Variants in PLCE1 observed in about 807,000 individuals in gnomAD.
The protein encoded by PLCE1 is 1-phosphatidylinositol 4,5-bisphosphate phosphodiesterase epsilon-1.
PLCE1 carries 119 observed loss-of-function variants against 242.8 expected under a neutral mutation model. That is an observed-to-expected ratio of 0.49 (90% CI 0.42 to 0.57). The LOEUF (loss-of-function observed/expected upper bound fraction) is 0.57. Ranked by LOEUF, PLCE1 falls within the 20% of genes least tolerant of loss-of-function variation. The pLI, the probability that PLCE1 is intolerant of heterozygous loss-of-function variation, is 0.00. For synonymous variants in PLCE1, 945 were observed against 1,017.4 expected, an observed-to-expected ratio of 0.93 and a Z score of 1.35; for missense variants, 2,441 against 2,788.8, an observed-to-expected ratio of 0.88 and a Z score of 2.81.
intron 28 of PLCE1, 149 bp from the exon 29 acceptor site, chr10:94,316,398 G>T: frequency 3.1e-6 from 2 of 635,028 alleles, no homozygotes; most frequent in East Asian, 2.9e-5. Flanking sequence ...GAACATAAGA[G>T]AATTCTTAGA....
chr10:94,332,684 TA>T lies in PLCE1; in HGVS notation c.*4744del. On this transcript the variant is annotated 3_prime_UTR_variant, in exon 33 of 33. Transcript: ENST00000371380. Reference sequence around the variant, plus strand: ...TTCTCCATATGTATAACAAGAAAATTAAAGGCATAATACAGCTGTGAAATAG... The same window carrying T: ...TTCTCCATATGTATAACAAGAAAATTAAGGCATAATACAGCTGTGAAATAG... 6.6e-6 allele frequency: 1 copy of T among 152,318 alleles called. No homozygotes were observed. Among genetic ancestry groups the T allele is most frequent in the Middle Eastern group, 3.4e-3 (1 of 294 alleles). 9.4% of individuals were successfully genotyped at this position (152,318 alleles called of 1,614,324 possible). A position where few individuals can be genotyped will look rare whatever the true frequency, so the allele number is the denominator to read the frequency against.
chr10:94,237,375 ATCCTT>A (rs2050360250), intron 7 of PLCE1, among the ~76,000 whole-genome samples: 1 of 152,072 alleles, frequency 6.6e-6, no homozygotes. Flanking sequence ...CCCCTAGACT[ATCCTT>A]TCCTTTCCCT....
At chr10:94,114,627 C>A (rs967762661) in intron 2 of PLCE1, among the ~76,000 whole-genome samples, 1 of 152,180 alleles carries the variant, frequency 6.6e-6, no homozygotes, top group African/African-American at 2.4e-5. Context: ...CTATTATAAT[C>A]TCCACATTAC....
chr10:94,198,279 A>T (rs2048887385), intron 4 of PLCE1, among the ~76,000 whole-genome samples: 1 of 152,176 alleles, frequency 6.6e-6, no homozygotes, highest in Admixed American at 6.5e-5. Context: ...TTTTTCCTGA[A>T]TATGTGTTCA....
chr10:94,087,060 T>C (rs1440907112), intron 2 of PLCE1, among the ~76,000 whole-genome samples: 2 of 152,114 alleles, frequency 1.3e-5, no homozygotes, highest in African/African-American at 4.8e-5. Context: ...TTTAAAATCA[T>C]TTGCTGGCCA....
intron 20 of PLCE1, chr10:94,283,266 A>T (rs2052313142): frequency 6.5e-6 from 1 of 152,992 alleles, no homozygotes; most frequent in African/African-American, 2.4e-5. Flanking sequence ...TTTAATTATA[A>T]TTGTGAAGAC....
rs143888071 is a variant in PLCE1, at chr10:94,002,270, A to G, written c.-365+8012A>G. ...ATCAGGCAACCTTGCATGCTCTCCC[A>G]TGACACTCTTGGATAGGCTTTTGAC... On this transcript the variant is annotated intron_variant, in intron 1 of 32. Transcript: ENST00000371380. Among the ~76,000 whole-genome samples, 822 of 152,306 alleles carry G rather than the reference A, an allele frequency of 5.4e-3. 3 individuals carry two copies. Among genetic ancestry groups the G allele is most frequent in the African/African-American group, 0.018 (767 of 41,568 alleles).
intron 19 of PLCE1, among the ~76,000 whole-genome samples, chr10:94,276,201 C>T (rs533014446): frequency 2.6e-5 from 4 of 152,290 alleles, no homozygotes; most frequent in East Asian, 3.9e-4. Flanking sequence ...TTATTGCCCC[C>T]GTCTGGTGCT....
chr10:94,072,966 C>G (rs2044402457), intron 2 of PLCE1, among the ~76,000 whole-genome samples: 1 of 152,050 alleles, frequency 6.6e-6, no homozygotes, highest in Non-Finnish European at 1.5e-5. Flanking sequence ...GCAGCTTGGG[C>G]CCCTCCTCTA....
chr10:94,055,690 C>A (rs576373826), intron 2 of PLCE1, among the ~76,000 whole-genome samples: 1 of 152,262 alleles, frequency 6.6e-6, no homozygotes, highest in African/African-American at 2.4e-5. Flanking sequence ...TAACCTTGGG[C>A]AGTGTACTTA....
chr10:94,070,634 G>A (rs988620898), intron 2 of PLCE1, among the ~76,000 whole-genome samples: 1 of 152,150 alleles, frequency 6.6e-6, no homozygotes, highest in Admixed American at 6.5e-5. Context: ...ATGGAGATAC[G>A]CTTTTTGAGC....
chr10:94,142,565 T>C (rs577074317), intron 3 of PLCE1, among the ~76,000 whole-genome samples: 8 of 152,340 alleles, frequency 5.3e-5, no homozygotes, highest in African/African-American at 1.4e-4. Flanking sequence ...CTTGGCATAG[T>C]ATCTGGTACC....
At chr10:94,309,605 C>T (rs2053319042) in intron 27 of PLCE1, among the ~76,000 whole-genome samples, 1 of 152,088 alleles carries the variant, frequency 6.6e-6, no homozygotes, top group African/African-American at 2.4e-5. Flanking sequence ...TCCCAAGGTG[C>T]TGGGATTACA....
intron 7 of PLCE1, among the ~76,000 whole-genome samples, chr10:94,241,308 C>T (rs2050496100): frequency 6.6e-6 from 1 of 152,182 alleles, no homozygotes; most frequent in Admixed American, 6.5e-5. Context: ...TTCACTGGAA[C>T]ATGCTTGACT....
In PLCE1 at chr10:94,030,706, A is replaced by T. The variant is rs937208478; in HGVS notation, c.-341A>T. On this transcript the variant is annotated 5_prime_UTR_variant, in exon 2 of 33. Coordinates refer to ENST00000371380, the MANE Select transcript of PLCE1 (RefSeq NM_016341.4). ...AGGAAACAGGAATCATTCAAACTGGATTTTAAAATCATTGCAAATCAGTGA... is the reference window on the plus strand; with the variant it reads ...AGGAAACAGGAATCATTCAAACTGGTTTTTAAAATCATTGCAAATCAGTGA... The T allele has an allele frequency of 1.0e-5, 3 of 289,876 alleles. No homozygotes were observed. The highest frequency in any genetic ancestry group is 2.2e-5 in the African/African-American group (1 of 45,208). 18.0% of individuals were successfully genotyped at this position (289,876 alleles called of 1,614,324 possible).
chr10:94,126,096 A>G (rs1038866144), intron 2 of PLCE1, among the ~76,000 whole-genome samples: 3 of 152,186 alleles, frequency 2.0e-5, no homozygotes, highest in African/African-American at 7.2e-5. Flanking sequence ...GTCACAAGGA[A>G]CTGCAAATGC....
At chr10:94,017,169 C>G (rs529898989) in intron 1 of PLCE1, among the ~76,000 whole-genome samples, 19 of 152,274 alleles carry the variant, frequency 1.2e-4, no homozygotes, top group Admixed American at 3.9e-4. Context: ...CAGAGCCACC[C>G]TGCTTGCTTC....
rs766687684 is a variant in PLCE1 at position 94,234,175 on chromosome 10, C to T, written c.2077C>T (p.Arg693Cys). The change falls in exon 6 of 33, where the codon CGT becomes TGT. Residue 693 changes from arginine to cysteine, a missense_variant. Around this residue, in one of 5 missense-constraint regions of PLCE1, gnomAD observed 733 missense variants for 754.2 expected, o/e 0.97. Coordinates refer to ENST00000371380, the MANE Select transcript of PLCE1 (RefSeq NM_016341.4). ...TTGTGAGTACAGAAAGGTGGTGACA[C>T]GTGCCCTGCACATCCCTGGCTGTAA... Reference protein sequence around the residue: ...SSCEYRKVVTRALHIPGCKVV... With the variant: ...SSCEYRKVVTCALHIPGCKVV... 9 of 1,614,026 alleles carry T rather than the reference C, an allele frequency of 5.6e-6. No homozygotes were observed. The African/African-American group carries it at 1.2e-4, about 22-fold the overall frequency.
In PLCE1 at chr10:94,110,058, C is replaced by CTTTTTTTT. The variant is rs33974566; in HGVS notation, c.1207-22101_1207-22094dup. Among the ~76,000 whole-genome samples, 199 of 75,880 alleles carry CTTTTTTTT rather than the reference C, an allele frequency of 2.6e-3. 15 individuals are homozygous for CTTTTTTTT. The highest frequency in any genetic ancestry group is 5.1e-3 in the African/African-American group (98 of 19,152). The allele number at this position is 75,880 out of a possible 152,430, so 49.8% of individuals were successfully genotyped here. On this transcript the variant is annotated intron_variant, in intron 2 of 32. Coordinates refer to ENST00000371380, the MANE Select transcript of PLCE1 (RefSeq NM_016341.4). ...AGACCCTTTCCTTTTTTTCTTTTTT[C>CTTTTTTTT]TTTTTTTTTTTTTTTTTTTTTTGAG...
Sources: allele counts gnomAD v4.1 joint callset (sites outside exome capture counted in the v4.1 genomes callset), GRCh38; gene constraint gnomAD v4.1.1; regional missense constraint gnomAD v4.1.1; transcripts MANE v1.5; gene names NCBI Gene and HGNC (gene_info 2026-07-23, HGNC 2026-07-21).